Variants in NCOA5 observed in about 807,000 individuals in gnomAD.
The protein encoded by NCOA5 is NCoA-5.
In NCOA5, 12 loss-of-function variants were observed where a neutral mutation model predicts 59.0. That is an observed-to-expected ratio of 0.20 (90% CI 0.13 to 0.33). The LOEUF (loss-of-function observed/expected upper bound fraction) is 0.33. Ranked by LOEUF, NCOA5 falls within the 10% of genes least tolerant of loss-of-function variation. The probability of loss-of-function intolerance (pLI) is 1.00; values close to 1 mark genes in which losing one functional copy is unlikely to be tolerated. For missense variants in NCOA5, 655 were observed against 766.6 expected (o/e 0.85, Z 1.72); for synonymous variants, 270 against 275.5 (o/e 0.98, Z 0.20).
At chr20:46,076,911 G>A (rs1281148515) in intron 2 of NCOA5, among the ~76,000 whole-genome samples, 1 of 152,134 alleles carries the variant, frequency 6.6e-6, no homozygotes, top group African/African-American at 2.4e-5. Context: ...TATATAGTTG[G>A]TAAGGAGCTC....
intron 3 of NCOA5, among the ~76,000 whole-genome samples, chr20:46,069,512 GAT>G (rs1208961449): frequency 6.6e-6 from 1 of 152,146 alleles, no homozygotes; most frequent in Non-Finnish European, 1.5e-5. Context: ...AAGGCGGGAG[GAT>G]ACCTTGAGCT....
intron 2 of NCOA5, among the ~76,000 whole-genome samples, chr20:46,076,494 T>C (rs1484781059): frequency 6.6e-6 from 1 of 152,186 alleles, no homozygotes; most frequent in Non-Finnish European, 1.5e-5. Flanking sequence ...GCTCGCTATT[T>C]TGAATACAAT....
At chr20:46,084,191 T>A (rs1207952745) in intron 1 of NCOA5, among the ~76,000 whole-genome samples, 1 of 152,230 alleles carries the variant, frequency 6.6e-6, no homozygotes, top group African/African-American at 2.4e-5. Flanking sequence ...AATTTCTACT[T>A]TGCAAATGAG....
rs1186483039 is a variant in NCOA5 at position 46,070,260 on chromosome 20, G to A, written c.315C>T (p.Pro105=). 3 of 1,614,064 alleles carry A rather than the reference G, an allele frequency of 1.9e-6. No individual in the cohort carries two copies. Among genetic ancestry groups the A allele is most frequent in the East Asian group, 4.5e-5 (2 of 44,880 alleles). ...TCATGTCTCTGTATCTGTCGTACAT[G>A]GGGTCTCGCTGATCTCGAAAATCCC... ...DSRDFRDQRD[P]MYDRYRDMRD... Residue 105 remains proline (P), a synonymous_variant, in exon 3 of 8, where the codon CCC becomes CCT. Transcript: ENST00000290231.
At chr20:46,065,856 G>A (rs1449676921) in intron 5 of NCOA5, among the ~76,000 whole-genome samples, 3 of 152,098 alleles carry the variant, frequency 2.0e-5, no homozygotes, top group Admixed American at 6.5e-5. Context: ...CCCAATACCC[G>A]CCATCCACCA....
chr20:46,070,427 C>T lies in NCOA5; in HGVS notation c.148G>A (p.Asp50Asn), dbSNP rs1412911781. ...RDGRNGRDAR[D>N]SRDIRDPRDL... ...CGGGGGTCTCGAATGTCTCTGCTGT[C>T]CCGGGCATCCCGGCCATTTCTGCCA... The change falls in exon 3 of 8, where the codon GAC (aspartate) becomes AAC (asparagine). Residue 50 changes from aspartate (D) to asparagine (N), a missense_variant. Physicochemically the swap from Asp to Asn is conservative, Grantham distance 23. Around this residue, in one of 3 missense-constraint regions of NCOA5, gnomAD observed 250 missense variants for 260.1 expected, o/e 0.96. Transcript: ENST00000290231. The T allele has an allele frequency of 2.5e-6, 4 of 1,613,984 alleles. No individual in the cohort carries two copies. The highest frequency in any genetic ancestry group is 1.3e-5 in the African/African-American group (1 of 74,876).
intron 2 of NCOA5, among the ~76,000 whole-genome samples, chr20:46,079,103 G>A (rs1405950636): frequency 2.0e-5 from 3 of 152,138 alleles, no homozygotes; most frequent in South Asian, 2.1e-4. Context: ...CCAATGACAC[G>A]TGAGCTGGGG....
chr20:46,086,267 C>G (rs1342622857), intron 1 of NCOA5, among the ~76,000 whole-genome samples: 4 of 152,206 alleles, frequency 2.6e-5, no homozygotes, highest in African/African-American at 4.8e-5. Context: ...CTAAAGTTGT[C>G]TGGTCTTTAC....
chr20:46,063,908 T>G lies in NCOA5; in HGVS notation c.830-228A>C, dbSNP rs543705218. 1.3e-4 allele frequency among the ~76,000 whole-genome samples: 20 copies of G among 152,150 alleles called. No homozygotes were observed. In the South Asian group the frequency reaches 3.9e-3, roughly 30 times the overall value. ...TGCACCTTTATATACAGCTGGTTCT[T>G]TGGGGGAATTCCTAGATCACAGACT... On this transcript the variant is annotated intron_variant, in intron 6 of 7. Coordinates refer to ENST00000290231, the MANE Select transcript of NCOA5 (RefSeq NM_020967.3).
Position 46,068,655 on chromosome 20 carries a change from A to G in NCOA5, c.366-17T>C. The G allele has an allele frequency of 6.2e-7, 1 of 1,601,274 alleles. No individual in the cohort carries two copies. The highest frequency in any genetic ancestry group is 8.5e-7 in the Non-Finnish European group (1 of 1,176,174). On this transcript the variant is annotated splice_polypyrimidine_tract_variant and intron_variant, in intron 3 of 7. Coordinates refer to ENST00000290231, the MANE Select transcript of NCOA5 (RefSeq NM_020967.3). The stretch of plus-strand genomic sequence containing the variant: ...CCTTCTCTCCTGAAAAGTTAAGGAA[A>G]TTTTCATAAAGATAAAACTGTGTCT...
At chr20:46,068,389 T>C (rs2084846423) in intron 4 of NCOA5, 113 bp downstream of exon 4, 1 of 1,146,930 alleles carries the variant, frequency 8.7e-7, no homozygotes, top group Non-Finnish European at 1.2e-6. Context: ...TTTTATACAC[T>C]GCTTGGCCAA....
intron 1 of NCOA5, among the ~76,000 whole-genome samples, chr20:46,080,403 C>G (rs2084979602): frequency 6.6e-6 from 1 of 152,122 alleles, no homozygotes; most frequent in South Asian, 2.1e-4. Context: ...AATAAAAGTG[C>G]TTTCTGCTGC....
At chr20:46,072,374 A>C (rs1007537708) in intron 2 of NCOA5, among the ~76,000 whole-genome samples, 1 of 152,172 alleles carries the variant, frequency 6.6e-6, no homozygotes, top group Non-Finnish European at 1.5e-5. Context: ...CCCAGGCTGG[A>C]GTGCAGTGGC....
intron 5 of NCOA5, 134 bp downstream of exon 5, chr20:46,066,921 G>A: frequency 1.9e-6 from 2 of 1,064,708 alleles, no homozygotes; most frequent in Non-Finnish European, 2.6e-6. Context: ...ACCTATAACT[G>A]AAAGAACCCT....
chr20:46,088,239 G>A (rs763791259), intron 1 of NCOA5, among the ~76,000 whole-genome samples: 2 of 152,168 alleles, frequency 1.3e-5, no homozygotes, highest in African/African-American at 2.4e-5. Context: ...TCCTTCCAAT[G>A]AGCCTTGCAA....
chr20:46,069,377 G>A (rs2084857631), intron 3 of NCOA5, among the ~76,000 whole-genome samples: 1 of 152,162 alleles, frequency 6.6e-6, no homozygotes, highest in Non-Finnish European at 1.5e-5. Flanking sequence ...CGTCCTTCAT[G>A]CTGTACCACA....
Position 46,079,376 on chromosome 20 carries a change from G to A in NCOA5, c.38+11C>T. On this transcript the variant is annotated intron_variant, in intron 2 of 7. Transcript: ENST00000290231. ...TCTCCCAAGGTAACTCACGGCTTCA[G>A]GGTACTTTACCTTCGTGTGGGGCTG... The A allele has an allele frequency of 6.2e-7, 1 of 1,613,972 alleles. No individual in the cohort carries two copies. Among genetic ancestry groups the A allele is most frequent in the Non-Finnish European group, 8.5e-7 (1 of 1,179,912 alleles).
chr20:46,088,330 G>A (rs1242781526), intron 1 of NCOA5, among the ~76,000 whole-genome samples: 1 of 152,180 alleles, frequency 6.6e-6, no homozygotes, highest in Non-Finnish European at 1.5e-5. Flanking sequence ...GGTTTCAAAG[G>A]CAATCTGAAG....
intron 2 of NCOA5, among the ~76,000 whole-genome samples, chr20:46,074,830 C>T (rs995909539): frequency 2.6e-5 from 4 of 152,240 alleles, no homozygotes; most frequent in African/African-American, 4.8e-5. Flanking sequence ...TGAAACTTCA[C>T]ATCCAAGATG....
Sources: allele counts gnomAD v4.1 joint callset (sites outside exome capture counted in the v4.1 genomes callset), GRCh38; gene constraint gnomAD v4.1.1; regional missense constraint gnomAD v4.1.1; transcripts MANE v1.5; gene names NCBI Gene and HGNC (gene_info 2026-07-23, HGNC 2026-07-21).